Variants in MXD3 observed in about 807,000 individuals in gnomAD.
MXD3 encodes the protein Max-associated protein 3.
In MXD3, 20 loss-of-function variants were observed where a neutral mutation model predicts 27.5. That is an observed-to-expected ratio of 0.73 (90% CI 0.51 to 1.06). The LOEUF (loss-of-function observed/expected upper bound fraction) is 1.06. Ranked by LOEUF, MXD3 falls within the 50% of genes least tolerant of loss-of-function variation. The pLI is 0.00. For missense variants in MXD3, 298 were observed against 291.3 expected (o/e 1.02, Z -0.17); for synonymous variants, 150 against 130.7 (o/e 1.15, Z -1.01).
rs762424793 is a variant in MXD3 at position 177,307,834 on chromosome 5, G to A, written c.452C>T (p.Ala151Val). The change falls in exon 5 of 6, where the codon GCG becomes GTG. Residue 151 changes from alanine to valine, a missense_variant. Coordinates refer to ENST00000439742, the MANE Select transcript of MXD3 (RefSeq NM_031300.4). ...AGAAERERLR[A>V]DSLDSSGLSS... is the part of the protein sequence containing the mutation. ...GAGGCCTGAGGAGTCCAGACTGTCC[G>A]CCCGCAGCCGCTCCCGCTCGGCCGC... is the stretch of plus-strand genomic sequence containing the variant. The A allele has an allele frequency of 2.2e-5, 35 of 1,611,320 alleles. No homozygotes were observed. The highest frequency in any genetic ancestry group is 3.3e-5 in the South Asian group (3 of 91,024).
chr5:177,312,287 C>A (rs1328052718), upstream of MXD3: 4 of 986,260 alleles, frequency 4.1e-6, no homozygotes, highest in Non-Finnish European at 4.8e-6. Flanking sequence ...ACGTGGGTGC[C>A]GCGGGGGCGG....
chr5:177,307,981 AGCAAGGG>A lies in MXD3; in HGVS notation c.322-24_322-18del. The A allele has an allele frequency of 6.6e-7, 1 of 1,521,532 alleles. No homozygotes were observed. Among genetic ancestry groups the A allele is most frequent in the Non-Finnish European group, 8.8e-7 (1 of 1,132,380 alleles). 94.3% of individuals were successfully genotyped at this position (1,521,532 alleles called of 1,614,324 possible). A position where few individuals can be genotyped will look rare whatever the true frequency, so the allele number is the denominator to read the frequency against. The stretch of plus-strand genomic sequence containing the variant: ...CTCCAGCTTCTGCGGATCCCAAAGG[AGCAAGGG>A]GCTGGGGTCAGCGGCGTGGGGGCTT... On this transcript the variant is annotated intron_variant, in intron 4 of 5. Transcript: ENST00000439742.
At position 177,311,408 on chromosome 5, in the gene MXD3, G is replaced by T. The variant is rs772481908; in HGVS notation, c.147C>A (p.Pro49=). ...GPIHRRKKRP[P]QAPGAQDSGR... ...CGCTGTCCTGCGCGCCAGGAGCCTGGGGGGGTCGCTTCTTCCTCCTGTGGA... is the reference window on the plus strand; with the variant it reads ...CGCTGTCCTGCGCGCCAGGAGCCTGTGGGGGTCGCTTCTTCCTCCTGTGGA... Residue 49 remains proline, a synonymous_variant, in exon 2 of 6, where the codon CCC becomes CCA. Coordinates refer to ENST00000439742, the MANE Select transcript of MXD3 (RefSeq NM_031300.4). The T allele has an allele frequency of 2.8e-5, 41 of 1,442,644 alleles. No homozygotes were observed. The highest frequency in any genetic ancestry group is 3.7e-5 in the Non-Finnish European group (41 of 1,105,000). 89.4% of individuals were successfully genotyped at this position (1,442,644 alleles called of 1,614,324 possible).
intron 3 of MXD3, 54 bp from the exon 4 acceptor site, chr5:177,310,594 A>G: frequency 6.2e-7 from 1 of 1,612,684 alleles, no homozygotes; most frequent in Non-Finnish European, 8.5e-7. Context: ...CGGCCACAGG[A>G]ATGGCAGGGG....
downstream of MXD3, chr5:177,307,175 C>T: frequency 6.5e-7 from 1 of 1,549,628 alleles, no homozygotes; most frequent in Non-Finnish European, 8.7e-7. Flanking sequence ...TTGGGAGTTC[C>T]CCCGTTTTCA....
rs1381993414 is a variant in MXD3 at position 177,307,267 on chromosome 5, G to A, written c.*321C>T. On this transcript the variant is annotated 3_prime_UTR_variant, in exon 6 of 6. Transcript: ENST00000439742. ...CAGTTTATGTGAGGCAAAGGCAGGG[G>A]GCCTTGTCCAGGAAGGGAAGAGGCC... is the stretch of plus-strand genomic sequence containing the variant. 6 of 1,551,594 alleles carry A rather than the reference G, an allele frequency of 3.9e-6. No individual in the cohort carries two copies. Among genetic ancestry groups the A allele is most frequent in the Non-Finnish European group, 5.2e-6 (6 of 1,146,938 alleles).
At chr5:177,306,285 T>G, downstream of MXD3, 3 of 1,562,624 alleles carry the variant, frequency 1.9e-6, no homozygotes, top group South Asian at 1.1e-5. Context: ...ACTCCTTGTC[T>G]GTACTGGGGG....
At chr5:177,307,038 C>G (rs140087021), downstream of MXD3, 1 of 1,450,816 alleles carries the variant, frequency 6.9e-7, no homozygotes, top group African/African-American at 1.4e-5. Flanking sequence ...CACTCAGCCT[C>G]ATTTCTACCA....
At chr5:177,308,126 A>C in intron 4 of MXD3, 162 bp from the exon 5 acceptor site, 1 of 651,920 alleles carries the variant, frequency 1.5e-6, no homozygotes. Flanking sequence ...CATCCTCCAG[A>C]AAGCCAGCCC....
At chr5:177,306,763 C>G (rs1172187131), downstream of MXD3, 4 of 992,182 alleles carry the variant, frequency 4.0e-6, no homozygotes, top group East Asian at 7.9e-5. Context: ...CTTATTCTCC[C>G]ATTGGGCAGC....
chr5:177,310,261 T>C (rs1761001634), intron 4 of MXD3, among the ~76,000 whole-genome samples, 165 bp downstream of exon 4: 1 of 152,244 alleles, frequency 6.6e-6, no homozygotes, highest in Non-Finnish European at 1.5e-5. Flanking sequence ...TCTGCTTTTC[T>C]TCCCATTTAA....
In MXD3 at chr5:177,307,427, C is replaced by T. The variant is rs1311522392; in HGVS notation, c.*161G>A. ...CCTTCCAGAGGGCCTGCCTGGCAGC[C>T]AGCAGCAGGGTGTTTGGGGAGCACC... On this transcript the variant is annotated 3_prime_UTR_variant, in exon 6 of 6. Coordinates refer to ENST00000439742, the MANE Select transcript of MXD3 (RefSeq NM_031300.4). 2.0e-6 allele frequency: 3 copies of T among 1,506,452 alleles called. No homozygotes were observed. The highest frequency in any genetic ancestry group is 2.7e-6 in the Non-Finnish European group (3 of 1,116,132). The allele number at this position is 1,506,452 out of a possible 1,614,324, so 93.3% of individuals were successfully genotyped here.
intron 1 of MXD3, 35 bp downstream of exon 1, chr5:177,311,726 C>T: frequency 1.2e-6 from 2 of 1,603,450 alleles, no homozygotes; most frequent in Non-Finnish European, 1.7e-6. Context: ...TCAGCGAGGT[C>T]GCCGCCCGGA....
intron 4 of MXD3, among the ~76,000 whole-genome samples, chr5:177,309,150 C>T (rs1760974399): frequency 6.6e-6 from 1 of 152,166 alleles, no homozygotes. Flanking sequence ...AGCCTACTGG[C>T]AAGTCCTGGG....
At chr5:177,311,960 C>T (rs959219179), upstream of MXD3, 7 of 1,336,338 alleles carry the variant, frequency 5.2e-6, no homozygotes, top group African/African-American at 6.1e-5. Context: ...GACGCCCCGC[C>T]CGCGGGAACG....
At position 177,311,480 on chromosome 5, in the gene MXD3, G is replaced by A. The variant is rs947595660; in HGVS notation, c.75C>T (p.Ala25=). 2 of 1,430,610 alleles carry A rather than the reference G, an allele frequency of 1.4e-6. No individual in the cohort carries two copies. Among genetic ancestry groups the A allele is most frequent in the Admixed American group, 6.7e-5 (2 of 29,836 alleles). The allele number at this position is 1,430,610 out of a possible 1,614,324, so 88.6% of individuals were successfully genotyped here. A position where few individuals can be genotyped will look rare whatever the true frequency, so the allele number is the denominator to read the frequency against. Residue 25 remains alanine (A), a synonymous_variant, in exon 2 of 6, where the codon GCC becomes GCT. Coordinates refer to ENST00000439742, the MANE Select transcript of MXD3 (RefSeq NM_031300.4). ...AEFLERRERE[A]EHGYASLCPH... Reference sequence around the variant, plus strand: ...GGCACAGGGACGCATAACCATGCTCGGCCTCTGCCAGAGAGAGTCCCCGCC... The same window carrying A: ...GGCACAGGGACGCATAACCATGCTCAGCCTCTGCCAGAGAGAGTCCCCGCC...
At chr5:177,306,615 T>C (rs9834), downstream of MXD3, 1,368,554 of 1,582,286 alleles carry the variant, frequency 0.86, 596,773 homozygotes, top group African/African-American at 0.94. Context: ...AGGCTTAGCC[T>C]CTCTGCCCTC....
downstream of MXD3, chr5:177,307,108 G>A (rs1201871968): frequency 2.6e-5 from 39 of 1,500,190 alleles, no homozygotes; most frequent in Non-Finnish European, 3.2e-5. Flanking sequence ...TGCCTGGCAC[G>A]GCCAACAGTG....
rs1307902876 is a variant in MXD3, at chr5:177,307,877, G to A, written c.409C>T (p.Leu137Phe). 6.2e-7 allele frequency: 1 copy of A among 1,606,368 alleles called. No individual in the cohort carries two copies. Among genetic ancestry groups the A allele is most frequent in the Non-Finnish European group, 8.5e-7 (1 of 1,177,206 alleles). ...QQSLQRQLEQ[L>F]RGLAGAAERE... ...TCGGCCGCCCCTGCCAGCCCCCGGAGCTGCTCCAGCTGCCGCTGCAGGCTC... is the reference window on the plus strand; with the variant it reads ...TCGGCCGCCCCTGCCAGCCCCCGGAACTGCTCCAGCTGCCGCTGCAGGCTC... The change falls in exon 5 of 6, where the codon CTC (leucine) becomes TTC (phenylalanine). Residue 137 changes from leucine (L) to phenylalanine (F), a missense_variant. Coordinates refer to ENST00000439742, the MANE Select transcript of MXD3 (RefSeq NM_031300.4).
Sources: allele counts gnomAD v4.1 joint callset (sites outside exome capture counted in the v4.1 genomes callset), GRCh38; gene constraint gnomAD v4.1.1; transcripts MANE v1.5; gene names NCBI Gene and HGNC (gene_info 2026-07-23, HGNC 2026-07-21).